SCAF8: variants seen among roughly 807,000 people sequenced by gnomAD.
SCAF8 encodes the protein SR-related CTD associated factor 8.
A neutral mutation model predicts 140.5 loss-of-function variants in SCAF8; 23 were observed. That is an observed-to-expected ratio of 0.16 (90% CI 0.12 to 0.23). The LOEUF (loss-of-function observed/expected upper bound fraction) is 0.23, where lower values mean the gene tolerates loss of function less well. SCAF8 is among the 10% of genes least tolerant of loss of function. The pLI, the probability that SCAF8 is intolerant of heterozygous loss-of-function variation, is 1.00. For synonymous variants in SCAF8, 575 were observed against 528.9 expected (o/e 1.09, Z -1.20); for missense variants, 1,397 against 1,555.7 (o/e 0.90, Z 1.72).
At position 154,824,360 on chromosome 6, in the gene SCAF8, C is replaced by T; in HGVS notation, c.2053C>T (p.Pro685Ser). ...PPPFLRASFN[P>S]SQPPPGFMPP... ...TCCTTTTTTAAGAGCAAGTTTTAAC[C>T]CTTCACAACCACCACCTGGTAAGGA... The change falls in exon 17 of 20, where the codon CCT becomes TCT. Residue 685 changes from proline to serine, a missense_variant. This residue lies in a region of SCAF8 where 930 missense variants were observed against 874.6 expected (regional missense o/e 1.06). Coordinates refer to ENST00000367178, the MANE Select transcript of SCAF8 (RefSeq NM_014892.5). The T allele has an allele frequency of 6.2e-7, 1 of 1,613,324 alleles. No homozygotes were observed. The highest frequency in any genetic ancestry group is 8.5e-7 in the Non-Finnish European group (1 of 1,179,570).
chr6:154,811,033 A>G (rs1778073680), intron 12 of SCAF8, among the ~76,000 whole-genome samples: 2 of 152,220 alleles, frequency 1.3e-5, no homozygotes, highest in Non-Finnish European at 2.9e-5. Context: ...CTATAATAAA[A>G]GGCAATAGCC....
chr6:154,750,982 TAAAG>T (rs958477177), intron 1 of SCAF8, among the ~76,000 whole-genome samples: 13 of 152,196 alleles, frequency 8.5e-5, no homozygotes, highest in African/African-American at 3.1e-4. Flanking sequence ...GAATTGAAAT[TAAAG>T]GAAGGTGGAC....
chr6:154,810,532 A>G (rs994289450), intron 12 of SCAF8, among the ~76,000 whole-genome samples: 24 of 152,200 alleles, frequency 1.6e-4, no homozygotes, highest in Non-Finnish European at 2.9e-4. Context: ...TATTCTTAGC[A>G]ATTATGGCCA....
At position 154,770,405 on chromosome 6, in the gene SCAF8, CT is replaced by C. The variant is rs1206427926; in HGVS notation, c.31-3583del. Among the ~76,000 whole-genome samples the C allele has an allele frequency of 2.0e-5, 3 of 147,216 alleles. No individual in the cohort carries two copies. The East Asian group carries it at 6.0e-4, about 29-fold the overall frequency. ...ACACACACACTCTCTCTCTCTCTCT[CT>C]CTCTCTCTCTCTCTCTCTAGTTGAG... is the stretch of plus-strand genomic sequence containing the variant. On this transcript the variant is annotated intron_variant, in intron 1 of 19. Coordinates refer to ENST00000367178, the MANE Select transcript of SCAF8 (RefSeq NM_014892.5).
intron 17 of SCAF8, among the ~76,000 whole-genome samples, chr6:154,825,769 C>T (rs1778549483): frequency 1.3e-5 from 2 of 151,460 alleles, no homozygotes; most frequent in South Asian, 2.1e-4. Context: ...CCACCTCAAC[C>T]TCCCAAAGTG....
intron 2 of SCAF8, among the ~76,000 whole-genome samples, chr6:154,774,325 G>A (rs957930023): frequency 1.3e-5 from 2 of 152,034 alleles, no homozygotes; most frequent in South Asian, 2.1e-4. Flanking sequence ...GCAGTGCCAC[G>A]ATCATAGCTC....
chr6:154,745,868 C>T (rs975654444), intron 1 of SCAF8, among the ~76,000 whole-genome samples: 1 of 151,778 alleles, frequency 6.6e-6, no homozygotes, highest in Non-Finnish European at 1.5e-5. Context: ...AGTATGAACT[C>T]GTGGTGTTTT....
chr6:154,831,112 G>C lies in SCAF8; in HGVS notation c.2331G>C (p.Gln777His). The part of the protein sequence containing the change: ...EEKVPHLIDH[Q>H]ISSGENTRSV... The stretch of plus-strand genomic sequence containing the variant: ...AAGTACCTCATCTTATAGACCACCA[G>C]ATTTCTTCTGGTGAAAACACCAGAT... Residue 777 changes from glutamine (Q) to histidine (H), a missense_variant, in exon 19 of 20, where the codon CAG becomes CAC. Coordinates refer to ENST00000367178, the MANE Select transcript of SCAF8 (RefSeq NM_014892.5). 2 of 1,610,864 alleles carry C rather than the reference G, an allele frequency of 1.2e-6. No homozygotes were observed. The highest frequency in any genetic ancestry group is 1.7e-6 in the Non-Finnish European group (2 of 1,177,468).
At chr6:154,829,026 C>T (rs1778650417) in intron 18 of SCAF8, among the ~76,000 whole-genome samples, 1 of 152,096 alleles carries the variant, frequency 6.6e-6, no homozygotes, top group South Asian at 2.1e-4. Flanking sequence ...ATAATCATAA[C>T]TAGGGGTACA....
At chr6:154,784,120 G>GAGAGAGAT (rs1362230678) in intron 3 of SCAF8, among the ~76,000 whole-genome samples, 3 of 106,832 alleles carry the variant, frequency 2.8e-5, no homozygotes, top group Admixed American at 1.1e-4. Flanking sequence ...GGTGTCTTGA[G>GAGAGAGAT]ATATATATAT....
Position 154,802,006 on chromosome 6 carries a change from A to G in SCAF8, c.642A>G (p.Gln214=), listed in dbSNP as rs1777786256. Residue 214 remains glutamine (Q), a synonymous_variant, in exon 7 of 20, where the codon CAA becomes CAG. Coordinates refer to ENST00000367178, the MANE Select transcript of SCAF8 (RefSeq NM_014892.5). ...QQLIQTLQIQ[Q]QKPQPSILQA... Reference sequence around the variant, plus strand: ...TAATACAAACCTTACAGATACAACAACAGAAGCCCCAGCCTTCCATTCTGC... The same window carrying G: ...TAATACAAACCTTACAGATACAACAGCAGAAGCCCCAGCCTTCCATTCTGC... 4.4e-6 allele frequency: 7 copies of G among 1,608,306 alleles called. No individual in the cohort carries two copies. The highest frequency in any genetic ancestry group is 2.7e-5 in the African/African-American group (2 of 74,548).
chr6:154,749,491 C>G (rs1182633797), intron 1 of SCAF8, among the ~76,000 whole-genome samples: 1 of 152,096 alleles, frequency 6.6e-6, no homozygotes. Context: ...TCAGCAAGCT[C>G]TTTCTGATGG....
intron 1 of SCAF8, among the ~76,000 whole-genome samples, chr6:154,747,977 TTTA>T (rs1778747043): frequency 1.3e-5 from 2 of 151,992 alleles, no homozygotes; most frequent in Non-Finnish European, 2.9e-5. Flanking sequence ...TTAGTGCCAT[TTTA>T]TTTATTGAAA....
chr6:154,784,155 A>ATATATATTTATTTATT lies in SCAF8; in HGVS notation c.160-3703_160-3702insATATTTATTTATTTAT, dbSNP rs1408182952. 1.1e-4 allele frequency among the ~76,000 whole-genome samples: 10 copies of ATATATATTTATTTATT among 91,996 alleles called. 1 individual carries two copies. Among genetic ancestry groups the ATATATATTTATTTATT allele is most frequent in the Admixed American group, 2.4e-4 (2 of 8,200 alleles). 60.4% of individuals were successfully genotyped at this position (91,996 alleles called of 152,430 possible). On this transcript the variant is annotated intron_variant, in intron 3 of 19. Coordinates refer to ENST00000367178, the MANE Select transcript of SCAF8 (RefSeq NM_014892.5). ...TATATATATATATATATATATATAT[A>ATATATATTTATTTATT]TATTTATTTATTTATTTTTCATGTA... is the stretch of plus-strand genomic sequence containing the variant.
intron 3 of SCAF8, among the ~76,000 whole-genome samples, chr6:154,779,216 G>A (rs925957234): frequency 1.1e-4 from 17 of 152,060 alleles, no homozygotes; most frequent in Non-Finnish European, 1.8e-4. Flanking sequence ...TGTATTTTTA[G>A]TAGAGATGGG....
chr6:154,738,947 A>G (rs985932650), intron 1 of SCAF8, among the ~76,000 whole-genome samples: 2 of 152,102 alleles, frequency 1.3e-5, no homozygotes, highest in East Asian at 1.9e-4. Flanking sequence ...TGCATGACCC[A>G]TTCTTTCCTT....
intron 5 of SCAF8, 31 bp downstream of exon 5, chr6:154,793,007 A>G: frequency 1.3e-6 from 2 of 1,555,288 alleles, no homozygotes; most frequent in East Asian, 2.3e-5. Flanking sequence ...TTTGTTGTCT[A>G]AATATTCTAC....
rs200156953 is a variant in SCAF8 at position 154,824,329 on chromosome 6, T to A, written c.2022T>A (p.Pro674=). 1 of 1,614,008 alleles carries A rather than the reference T, an allele frequency of 6.2e-7. No individual in the cohort carries two copies. Among genetic ancestry groups the A allele is most frequent in the African/African-American group, 1.3e-5 (1 of 75,058 alleles). Residue 674 remains proline, a synonymous_variant, in exon 17 of 20, where the codon CCT becomes CCA. Transcript: ENST00000367178. Reference sequence around the variant, plus strand: ...CTCCTCCTGGATTCAGTCCAATCCCTCCACCTCCTTTTTTAAGAGCAAGTT... The same window carrying A: ...CTCCTCCTGGATTCAGTCCAATCCCACCACCTCCTTTTTTAAGAGCAAGTT... ...PVPPPGFSPI[P]PPPFLRASFN... is the part of the protein sequence containing the mutation.
At chr6:154,752,939 TC>T (rs1323082321) in intron 1 of SCAF8, among the ~76,000 whole-genome samples, 1 of 152,174 alleles carries the variant, frequency 6.6e-6, no homozygotes, top group African/African-American at 2.4e-5. Context: ...ATTTCATTGT[TC>T]CGTTAAATCC....
Sources: allele counts gnomAD v4.1 joint callset (sites outside exome capture counted in the v4.1 genomes callset), GRCh38; gene constraint gnomAD v4.1.1; regional missense constraint gnomAD v4.1.1; transcripts MANE v1.5; gene names NCBI Gene and HGNC (gene_info 2026-07-23, HGNC 2026-07-21).